Variants in FGD3 observed in about 807,000 individuals in gnomAD.
FGD3 encodes the protein FYVE, RhoGEF and PH domain-containing protein 3.
In FGD3, 45 loss-of-function variants were observed where a neutral mutation model predicts 71.8. The ratio of observed to expected loss-of-function variants is 0.63; its 90% CI spans 0.49 to 0.80. The LOEUF is 0.80. Among genes scored for constraint, FGD3 ranks in the 30% least tolerant of loss-of-function variants. FGD3 has a pLI of 0.00. For missense variants in FGD3, 844 were observed against 951.5 expected (o/e 0.89, Z 1.49); for synonymous variants, 378 against 392.8 (o/e 0.96, Z 0.44).
intron 1 of FGD3, among the ~76,000 whole-genome samples, chr9:92,973,106 A>ATTTTTTTTTT (rs59046376): frequency 1.1e-5 from 1 of 87,124 alleles, no homozygotes; most frequent in Non-Finnish European, 2.1e-5. Context: ...ATGCCTGGTA[A>ATTTTTTTTTT]TTTTTTTTTT....
intron 14 of FGD3, among the ~76,000 whole-genome samples, chr9:93,029,108 A>T (rs1862257478): frequency 7.2e-6 from 1 of 138,416 alleles, no homozygotes; most frequent in Non-Finnish European, 1.5e-5. Flanking sequence ...CATCACTGCA[A>T]CCAACCTCCG....
At chr9:93,007,751 G>T (rs989589580) in intron 6 of FGD3, among the ~76,000 whole-genome samples, 13 of 152,186 alleles carry the variant, frequency 8.5e-5, no homozygotes, top group Admixed American at 2.6e-4. Context: ...AGGGCTCTCC[G>T]CCTGGACTCA....
chr9:93,023,983 A>G (rs1264890033), intron 14 of FGD3, among the ~76,000 whole-genome samples: 2 of 151,696 alleles, frequency 1.3e-5, no homozygotes, highest in Non-Finnish European at 2.9e-5. Context: ...TTGTATTTTT[A>G]GTAGAGACGG....
In FGD3 at chr9:92,976,325, G is replaced by A. The variant is rs772282433; in HGVS notation, c.69G>A (p.Gly23=). The change falls in exon 3 of 18, where the codon GGG becomes GGA. Residue 23 remains glycine, a synonymous_variant. Coordinates refer to ENST00000375482, the MANE Select transcript of FGD3 (RefSeq NM_001083536.2). ...CTGCCCTAGGGATGCCAGACACTGG[G>A]CCTGGCAGTTCCTCCCTAGGGAAGC... ...PIAALGMPDT[G]PGSSSLGKLQ... is the part of the protein sequence containing the mutation. The A allele has an allele frequency of 2.5e-6, 4 of 1,610,596 alleles. No homozygotes were observed. The highest frequency in any genetic ancestry group is 3.3e-4 in the Middle Eastern group (2 of 6,038).
At position 93,027,715 on chromosome 9, in the gene FGD3, C is replaced by CTTTTT. The variant is rs1199094054; in HGVS notation, c.1558-2141_1558-2137dup. The stretch of plus-strand genomic sequence containing the variant: ...GTTCAGTTCATCTTTTTCTTTCTTT[C>CTTTTT]TTTTTTTTTTTTTTTTTTTTTTGAG... On this transcript the variant is annotated intron_variant, in intron 14 of 17. Transcript: ENST00000375482. Among the ~76,000 whole-genome samples the CTTTTT allele has an allele frequency of 4.7e-3, 483 of 101,918 alleles. 2 individuals are homozygous for CTTTTT. The highest frequency in any genetic ancestry group is 7.7e-3 in the Middle Eastern group (1 of 130). The allele number at this position is 101,918 out of a possible 152,430, so 66.9% of individuals were successfully genotyped here. A position where few individuals can be genotyped will look rare whatever the true frequency, so the allele number is the denominator to read the frequency against.
intron 3 of FGD3, among the ~76,000 whole-genome samples, chr9:92,996,514 G>A (rs1860651027): frequency 6.6e-6 from 1 of 152,086 alleles, no homozygotes; most frequent in African/African-American, 2.4e-5. Flanking sequence ...CTTGCCTTCT[G>A]CTAGCTTTTG....
At chr9:92,972,452 CAA>C (rs34573109) in intron 1 of FGD3, among the ~76,000 whole-genome samples, 89 of 63,162 alleles carry the variant, frequency 1.4e-3, no homozygotes, top group Middle Eastern at 7.7e-3. Context: ...GACTCCATCT[CAA>C]AAAAAAAAAA....
At chr9:93,007,524 A>G (rs554139303) in intron 6 of FGD3, among the ~76,000 whole-genome samples, 4 of 152,200 alleles carry the variant, frequency 2.6e-5, no homozygotes, top group Non-Finnish European at 5.9e-5. Context: ...TGGGCGTGAC[A>G]TGCCTATAGT....
At chr9:92,998,203 C>G (rs1324098891) in intron 3 of FGD3, among the ~76,000 whole-genome samples, 3 of 152,292 alleles carry the variant, frequency 2.0e-5, no homozygotes, top group African/African-American at 7.2e-5. Flanking sequence ...TCTCTTCTCA[C>G]TTCATTTCAT....
At chr9:92,950,243 C>A (rs1858929838) in intron 1 of FGD3, among the ~76,000 whole-genome samples, 1 of 151,894 alleles carries the variant, frequency 6.6e-6, no homozygotes, top group Non-Finnish European at 1.5e-5. Flanking sequence ...CGGTGAAAAC[C>A]CGCCTCTACT....
intron 1 of FGD3, among the ~76,000 whole-genome samples, 200 bp downstream of exon 1, chr9:92,947,929 C>G (rs1408739367): frequency 6.6e-6 from 1 of 151,988 alleles, no homozygotes; most frequent in Admixed American, 6.6e-5. Context: ...CTTTCTGCCC[C>G]CTCCTGAGCA....
rs965841052 is a variant in FGD3, at chr9:93,030,169, C to T, written c.1680+173C>T. On this transcript the variant is annotated intron_variant, in intron 15 of 17. Transcript: ENST00000375482. ...CCCTTGAGTGCAAAACTGTCCTGTC[C>T]GAAGTAGAATCAAATCACTTTTCTC... 2.0e-4 allele frequency among the ~76,000 whole-genome samples: 30 copies of T among 152,262 alleles called. 1 individual carries two copies. The highest frequency in any genetic ancestry group is 2.4e-4 in the African/African-American group (10 of 41,556).
intron 3 of FGD3, among the ~76,000 whole-genome samples, chr9:92,993,121 A>G (rs989280729): frequency 5.9e-5 from 9 of 152,244 alleles, no homozygotes; most frequent in South Asian, 4.1e-4. Flanking sequence ...CTAGTCAGCC[A>G]TCTTACTGAT....
chr9:93,023,064 C>G (rs1308853514), intron 14 of FGD3, among the ~76,000 whole-genome samples: 1 of 152,188 alleles, frequency 6.6e-6, no homozygotes, highest in Non-Finnish European at 1.5e-5. Flanking sequence ...ATCATTGGTG[C>G]CCAGGCCTGG....
chr9:92,958,557 A>G (rs1365521283), intron 1 of FGD3, among the ~76,000 whole-genome samples: 2 of 152,206 alleles, frequency 1.3e-5, no homozygotes, highest in Non-Finnish European at 2.9e-5. Context: ...TTGATGAAAC[A>G]TATTTTCAGG....
intron 3 of FGD3, among the ~76,000 whole-genome samples, chr9:92,978,660 C>T (rs1471170171): frequency 8.7e-6 from 1 of 115,064 alleles, no homozygotes; most frequent in Non-Finnish European, 1.8e-5. Context: ...GTTACACGCA[C>T]CCTCCCCTCC....
chr9:93,008,627 G>A lies in FGD3; in HGVS notation c.838-1619G>A, dbSNP rs549057116. ...TGGGGATATTCACTTGATAAAGGGC[G>A]TGTCTGTCAGGACTCTTCAGGTGAA... On this transcript the variant is annotated intron_variant, in intron 6 of 17. Coordinates refer to ENST00000375482, the MANE Select transcript of FGD3 (RefSeq NM_001083536.2). 1.5e-3 allele frequency among the ~76,000 whole-genome samples: 222 copies of A among 152,292 alleles called. 2 individuals are homozygous for A. The highest frequency in any genetic ancestry group is 0.014 in the Middle Eastern group (4 of 294).
chr9:92,973,106 A>ATTTTTT (rs59046376), intron 1 of FGD3, among the ~76,000 whole-genome samples: 1 of 87,124 alleles, frequency 1.1e-5, no homozygotes, highest in African/African-American at 5.2e-5. Flanking sequence ...ATGCCTGGTA[A>ATTTTTT]TTTTTTTTTT....
intron 10 of FGD3, among the ~76,000 whole-genome samples, chr9:93,017,136 C>T (rs576307065): frequency 5.4e-4 from 82 of 152,192 alleles, no homozygotes; most frequent in African/African-American, 1.9e-3. Context: ...GGCATGGTGG[C>T]GCACATCTCT....
Sources: gnomAD v4.1 joint callset for allele counts (sites outside exome capture counted in the v4.1 genomes callset) on GRCh38, gnomAD v4.1.1 for gene constraint, MANE v1.5 for transcripts, NCBI Gene and HGNC (gene_info 2026-07-23, HGNC 2026-07-21) for gene names.